The following LSP1 variants were observed in gnomAD, a reference collection of about 807,000 sequenced individuals.
LSP1 encodes lymphocyte-specific protein 1.
Under a neutral mutation model 49.3 loss-of-function variants are expected in LSP1, and 32 were observed. The observed-to-expected ratio is 0.65, with a 90% CI of 0.49 to 0.87. The LOEUF (loss-of-function observed/expected upper bound fraction) is 0.87, where lower values mean the gene tolerates loss of function less well. Among genes scored for constraint, LSP1 ranks in the 40% least tolerant of loss-of-function variants. The probability of loss-of-function intolerance (pLI) is 0.00; values close to 1 mark genes in which losing one functional copy is unlikely to be tolerated. For synonymous variants in LSP1, 179 were observed against 178.8 expected, an observed-to-expected ratio of 1.00 and a Z score of -0.01; for missense variants, 428 against 442.6, an observed-to-expected ratio of 0.97 and a Z score of 0.30.
chr11:1,853,101 T>A lies in LSP1; in HGVS notation c.-44T>A, dbSNP rs1302421684. The A allele has an allele frequency of 1.3e-6, 2 of 1,589,684 alleles. No homozygotes were observed. Among genetic ancestry groups the A allele is most frequent in the Non-Finnish European group, 1.7e-6 (2 of 1,168,076 alleles). On this transcript the variant is annotated 5_prime_UTR_variant, in exon 1 of 11. Coordinates refer to ENST00000311604, the MANE Select transcript of LSP1 (RefSeq NM_002339.3). ...TGAAAGCCACAGCACGTACACCCAC[T>A]CCAGGGATCTGCCAGCACCCTGTGG...
At position 1,881,558 on chromosome 11, in the gene LSP1, C is replaced by A; in HGVS notation, c.318C>A (p.Pro106=). Residue 106 remains proline, a synonymous_variant, in exon 3 of 11, where the codon CCC becomes CCA. Transcript: ENST00000311604. ...GAQGALDSGE[P]PQCRSPEGEQ... ...AGGGCGCCTTGGACAGCGGAGAGCCCCCCCAGTGCAGGAGTCCTGAGGGGG... is the reference window on the plus strand; with the variant it reads ...AGGGCGCCTTGGACAGCGGAGAGCCACCCCAGTGCAGGAGTCCTGAGGGGG... 2.6e-6 allele frequency: 4 copies of A among 1,538,870 alleles called. No homozygotes were observed. The highest frequency in any genetic ancestry group is 2.4e-5 in the East Asian group (1 of 40,844).
chr11:1,889,666 C>T (rs780914872), intron 10 of LSP1: 21 of 631,964 alleles, frequency 3.3e-5, no homozygotes, highest in African/African-American at 2.6e-4. Context: ...GACACTCGCT[C>T]GGCCTCAGCG....
chr11:1,876,510 C>T (rs367658837), intron 1 of LSP1: 563 of 985,530 alleles, frequency 5.7e-4, no homozygotes, highest in African/African-American at 1.5e-3. Context: ...CCAGAGAGGA[C>T]GGACCCTCTC....
intron 1 of LSP1, among the ~76,000 whole-genome samples, chr11:1,860,021 C>T (rs78311622): frequency 0.014 from 2,164 of 152,222 alleles, 35 homozygotes; most frequent in South Asian, 0.072. Context: ...GAGAATGTGT[C>T]AATATGAAGA....
intron 1 of LSP1, among the ~76,000 whole-genome samples, chr11:1,861,716 T>C (rs1342216915): frequency 6.7e-6 from 1 of 150,046 alleles, no homozygotes; most frequent in Non-Finnish European, 1.5e-5. Context: ...GATGGATGGA[T>C]GGATGGATGG....
intron 7 of LSP1, among the ~76,000 whole-genome samples, chr11:1,886,223 C>A (rs557881052): frequency 1.3e-5 from 2 of 152,168 alleles, no homozygotes; most frequent in Admixed American, 6.5e-5. Context: ...TTCATTGAAC[C>A]AATACGGCTC....
At chr11:1,861,954 G>A (rs1251051367) in intron 1 of LSP1, among the ~76,000 whole-genome samples, 1 of 151,938 alleles carries the variant, frequency 6.6e-6, no homozygotes, top group Middle Eastern at 3.4e-3. Context: ...TGGATGGGTG[G>A]ATGGATAGAT....
intron 1 of LSP1, among the ~76,000 whole-genome samples, chr11:1,866,102 C>G (rs1035938754): frequency 5.3e-5 from 8 of 152,126 alleles, no homozygotes; most frequent in Admixed American, 5.2e-4. Flanking sequence ...CCCTCTGCAC[C>G]GTCAGCCACT....
Position 1,878,738 on chromosome 11 carries a change from C to T in LSP1, c.54-1349C>T, listed in dbSNP as rs552485166. Among the ~76,000 whole-genome samples the T allele has an allele frequency of 3.8e-4, 58 of 152,284 alleles. 1 individual carries two copies. The South Asian group carries it at 9.3e-3, about 24-fold the overall frequency. ...GAACTGAGACCCCAGTGGGGAGACC[C>T]CAGCCCTGCTCCCTGTTCTGGCCTG... On this transcript the variant is annotated intron_variant, in intron 1 of 10. Transcript: ENST00000311604.
At chr11:1,883,613 C>G (rs1414414381) in intron 4 of LSP1, 53 bp downstream of exon 4, 6 of 1,547,466 alleles carry the variant, frequency 3.9e-6, no homozygotes, top group Non-Finnish European at 5.2e-6. Flanking sequence ...AGGGATGAGT[C>G]TGCCTTGGCT....
At chr11:1,879,140 T>C (rs1848433821) in intron 1 of LSP1, among the ~76,000 whole-genome samples, 1 of 151,838 alleles carries the variant, frequency 6.6e-6, no homozygotes, top group Non-Finnish European at 1.5e-5. Flanking sequence ...AGGTCGGGAG[T>C]TCAGGACCAG....
intron 1 of LSP1, chr11:1,869,125 C>A: frequency 1.7e-6 from 1 of 597,966 alleles, no homozygotes; most frequent in Non-Finnish European, 2.1e-6. Flanking sequence ...AGGGGCTTGG[C>A]CCCTGCCCCA....
chr11:1,864,633 C>T lies in LSP1; in HGVS notation c.53+11436C>T, dbSNP rs753850079. On this transcript the variant is annotated intron_variant, in intron 1 of 10. Coordinates refer to ENST00000311604, the MANE Select transcript of LSP1 (RefSeq NM_002339.3). ...GAGGTGGAGGTGGAAGAGATGGAGG[C>T]GGGAGGAGAAGGGGGCTGGGGGAAA... Among the ~76,000 whole-genome samples, 31 of 150,160 alleles carry T rather than the reference C, an allele frequency of 2.1e-4. 1 individual carries two copies. Among genetic ancestry groups the T allele is most frequent in the Admixed American group, 8.6e-4 (13 of 15,084 alleles).
chr11:1,860,816 T>C (rs1052821343), intron 1 of LSP1, among the ~76,000 whole-genome samples: 2 of 151,548 alleles, frequency 1.3e-5, no homozygotes, highest in African/African-American at 4.9e-5. Context: ...TAAATGAATG[T>C]ATTGATGGAA....
At chr11:1,870,955 C>G in intron 1 of LSP1, 3 of 985,896 alleles carry the variant, frequency 3.0e-6, no homozygotes, top group Non-Finnish European at 3.6e-6. Context: ...GGAGGCGCAG[C>G]CGGGCTGTCG....
chr11:1,880,030 T>TCGCC, intron 1 of LSP1, 57 bp from the exon 2 acceptor site: 1 of 1,589,328 alleles, frequency 6.3e-7, no homozygotes, highest in Admixed American at 1.8e-5. Flanking sequence ...GAGGAATGGG[T>TCGCC]GCAAAACAGC....
intron 1 of LSP1, among the ~76,000 whole-genome samples, chr11:1,877,292 T>A (rs182687100): frequency 6.6e-6 from 1 of 151,312 alleles, no homozygotes; most frequent in Non-Finnish European, 1.5e-5. Flanking sequence ...TATCCTGGGG[T>A]AGGGGAAAGG....
At chr11:1,870,813 C>T (rs376338830) in intron 1 of LSP1, 9 of 987,768 alleles carry the variant, frequency 9.1e-6, no homozygotes, top group East Asian at 1.1e-4. Context: ...AGCCTCGAGC[C>T]GTTGCCAGGG....
At chr11:1,858,182 G>A (rs920697106) in intron 1 of LSP1, among the ~76,000 whole-genome samples, 2 of 152,226 alleles carry the variant, frequency 1.3e-5, no homozygotes, top group African/African-American at 4.8e-5. Flanking sequence ...TCCAAGGGCT[G>A]CTCCCTGCCT....
Sources: gnomAD v4.1 joint callset for allele counts (sites outside exome capture counted in the v4.1 genomes callset) on GRCh38, gnomAD v4.1.1 for gene constraint, MANE v1.5 for transcripts, NCBI Gene and HGNC (gene_info 2026-07-23, HGNC 2026-07-21) for gene names.